NTRK2: variants seen among roughly 807,000 people sequenced by gnomAD.
The protein encoded by NTRK2 is BDNF/NT-3 growth factors receptor.
Under a neutral mutation model 94.5 loss-of-function variants are expected in NTRK2, and 13 were observed. That is an observed-to-expected ratio of 0.14 (90% CI 0.09 to 0.22). The LOEUF is 0.22. Ranked by LOEUF, NTRK2 falls within the 10% of genes least tolerant of loss-of-function variation. The pLI, the probability that NTRK2 is intolerant of heterozygous loss-of-function variation, is 1.00. For synonymous variants in NTRK2, 372 were observed against 407.4 expected, an observed-to-expected ratio of 0.91 and a Z score of 1.05; for missense variants, 639 against 1,071.2, an observed-to-expected ratio of 0.60 and a Z score of 5.63.
At chr9:84,902,355 C>G (rs1157847307) in intron 14 of NTRK2, among the ~76,000 whole-genome samples, 1 of 152,090 alleles carries the variant, frequency 6.6e-6, no homozygotes, top group Non-Finnish European at 1.5e-5. Context: ...AGTCCCCATG[C>G]ATGCTGTAAG....
chr9:84,758,281 G>A (rs2065247889), intron 12 of NTRK2, among the ~76,000 whole-genome samples: 2 of 152,036 alleles, frequency 1.3e-5, no homozygotes, highest in South Asian at 4.2e-4. Flanking sequence ...TCTTGCTTAG[G>A]AAGATCTTTC....
chr9:84,929,944 G>T (rs1248773359), intron 14 of NTRK2, among the ~76,000 whole-genome samples: 1 of 152,162 alleles, frequency 6.6e-6, no homozygotes, highest in African/African-American at 2.4e-5. Context: ...CAGCAGATTG[G>T]CTGATCACAG....
chr9:84,972,437 TA>T (rs1826294467), intron 17 of NTRK2, among the ~76,000 whole-genome samples: 1 of 152,208 alleles, frequency 6.6e-6, no homozygotes, highest in Admixed American at 6.5e-5. Context: ...CCAGTGAGTT[TA>T]TGAAGGGGCT....
chr9:84,699,035 G>A (rs1005183797), intron 2 of NTRK2, among the ~76,000 whole-genome samples: 1 of 118,144 alleles, frequency 8.5e-6, no homozygotes, highest in Non-Finnish European at 1.8e-5. Flanking sequence ...AGCCCTTGCT[G>A]AAAATTTTTT....
At chr9:84,808,187 A>G (rs2071345553) in intron 12 of NTRK2, among the ~76,000 whole-genome samples, 1 of 152,214 alleles carries the variant, frequency 6.6e-6, no homozygotes, top group Admixed American at 6.5e-5. Context: ...GCAATGGTCC[A>G]GTAGAACCGT....
intron 2 of NTRK2, 63 bp from the exon 3 acceptor site, chr9:84,702,096 G>T (rs951012065): frequency 6.8e-7 from 1 of 1,471,024 alleles, no homozygotes; most frequent in African/African-American, 1.4e-5. Flanking sequence ...GTGGATGGGA[G>T]TTCTTCATGG....
chr9:84,711,048 T>C (rs1209699073), intron 6 of NTRK2, among the ~76,000 whole-genome samples: 1 of 152,194 alleles, frequency 6.6e-6, no homozygotes, highest in African/African-American at 2.4e-5. Flanking sequence ...TTTGCTTATT[T>C]GTTCATATTT....
chr9:84,903,191 A>G (rs2076982414), intron 14 of NTRK2, among the ~76,000 whole-genome samples: 1 of 152,246 alleles, frequency 6.6e-6, no homozygotes, highest in Non-Finnish European at 1.5e-5. Flanking sequence ...GAACATTTCC[A>G]TCACTGCAGA....
intron 12 of NTRK2, among the ~76,000 whole-genome samples, chr9:84,778,481 G>A (rs984168968): frequency 3.9e-5 from 6 of 152,292 alleles, no homozygotes; most frequent in East Asian, 1.9e-4. Flanking sequence ...ATGTAGAACC[G>A]TAGTGAATTA....
intron 17 of NTRK2, among the ~76,000 whole-genome samples, chr9:84,997,217 A>T (rs1387599522): frequency 6.6e-6 from 1 of 152,228 alleles, no homozygotes; most frequent in African/African-American, 2.4e-5. Context: ...TGGGATTTAG[A>T]CCTGGGCAGG....
At chr9:84,782,466 G>A (rs1248718679) in intron 12 of NTRK2, among the ~76,000 whole-genome samples, 1 of 152,162 alleles carries the variant, frequency 6.6e-6, no homozygotes, top group Non-Finnish European at 1.5e-5. Context: ...GCTTTGCTGT[G>A]GCTGTCGCTC....
At chr9:84,737,719 TG>T (rs1304533129) in intron 9 of NTRK2, among the ~76,000 whole-genome samples, 1 of 147,958 alleles carries the variant, frequency 6.8e-6, no homozygotes, top group African/African-American at 2.7e-5. Context: ...ATGCTGAGGA[TG>T]GGGATGTGAC....
At chr9:84,974,517 A>T (rs926506778) in intron 17 of NTRK2, among the ~76,000 whole-genome samples, 1 of 152,210 alleles carries the variant, frequency 6.6e-6, no homozygotes, top group East Asian at 1.9e-4. Flanking sequence ...AGATAGCCCA[A>T]GAGTTTTCTT....
At chr9:84,776,818 TA>T (rs2067094903) in intron 12 of NTRK2, among the ~76,000 whole-genome samples, 1 of 152,218 alleles carries the variant, frequency 6.6e-6, no homozygotes, top group Non-Finnish European at 1.5e-5. Context: ...CTGAATCTTT[TA>T]AAATGGACAG....
Position 85,023,600 on chromosome 9 carries a change from C to T in NTRK2, c.*2163C>T, listed in dbSNP as rs924049394. ...TCTTTGTTGATGATTTTAAAAAAACCCTCTAGAATACACATAATAACATAA... is the reference window on the plus strand; with the variant it reads ...TCTTTGTTGATGATTTTAAAAAAACTCTCTAGAATACACATAATAACATAA... On this transcript the variant is annotated 3_prime_UTR_variant, in exon 19 of 19. Transcript: ENST00000277120. 1.7e-5 allele frequency: 4 copies of T among 228,920 alleles called. No homozygotes were observed. The highest frequency in any genetic ancestry group is 2.6e-5 in the Non-Finnish European group (3 of 115,868). 14.2% of individuals were successfully genotyped at this position (228,920 alleles called of 1,614,324 possible).
intron 17 of NTRK2, among the ~76,000 whole-genome samples, chr9:84,984,271 G>A (rs927113849): frequency 3.9e-5 from 6 of 151,982 alleles, no homozygotes; most frequent in African/African-American, 7.3e-5. Context: ...TCAGGAGTTC[G>A]AGGGCAGCCT....
intron 17 of NTRK2, among the ~76,000 whole-genome samples, chr9:84,992,661 T>C (rs2133332063): frequency 6.6e-6 from 1 of 152,272 alleles, no homozygotes; most frequent in South Asian, 2.1e-4. Context: ...CCACTCTGAT[T>C]TGACTTCTGC....
chr9:84,797,341 T>C (rs1338832766), intron 12 of NTRK2, among the ~76,000 whole-genome samples: 1 of 151,378 alleles, frequency 6.6e-6, no homozygotes, highest in African/African-American at 2.4e-5. Context: ...AGAAATGGAA[T>C]GACCTGAAAA....
At chr9:84,789,524 A>C (rs2068505052) in intron 12 of NTRK2, among the ~76,000 whole-genome samples, 1 of 152,208 alleles carries the variant, frequency 6.6e-6, no homozygotes, top group Non-Finnish European at 1.5e-5. Flanking sequence ...TTTGAATGTT[A>C]GACCTGGAAA....
Sources: gnomAD v4.1 joint callset for allele counts (sites outside exome capture counted in the v4.1 genomes callset) on GRCh38, gnomAD v4.1.1 for gene constraint, MANE v1.5 for transcripts, NCBI Gene and HGNC (gene_info 2026-07-23, HGNC 2026-07-21) for gene names.